Variants in MTAP observed in about 807,000 individuals in gnomAD.
MTAP encodes S-methyl-5'-thioadenosine phosphorylase.
Under a neutral mutation model 33.6 loss-of-function variants are expected in MTAP, and 33 were observed. The ratio of observed to expected loss-of-function variants is 0.98; its 90% CI spans 0.74 to 1.31. The LOEUF (loss-of-function observed/expected upper bound fraction) is 1.31, where lower values mean the gene tolerates loss of function less well. Among genes scored for constraint, MTAP ranks in the 40% most tolerant of loss-of-function variants. The probability of loss-of-function intolerance (pLI) is 0.00; values close to 1 mark genes in which losing one functional copy is unlikely to be tolerated. For missense variants in MTAP, 367 were observed against 360.0 expected, an observed-to-expected ratio of 1.02 and a Z score of -0.16; for synonymous variants, 148 against 125.7, an observed-to-expected ratio of 1.18 and a Z score of -1.19.
At chr9:21,840,290 T>C (rs1825212184) in intron 5 of MTAP, among the ~76,000 whole-genome samples, 1 of 150,994 alleles carries the variant, frequency 6.6e-6, no homozygotes, top group Non-Finnish European at 1.5e-5. Flanking sequence ...CAGAATAGCA[T>C]ATGGAGACAC....
intron 1 of MTAP, among the ~76,000 whole-genome samples, chr9:21,890,064 G>A (rs1056047666): frequency 1.3e-5 from 2 of 152,024 alleles, no homozygotes; most frequent in African/African-American, 2.4e-5. Flanking sequence ...ACCATCAGGT[G>A]GGGGCAGGAT....
chr9:21,823,759 T>C (rs1214332516), intron 4 of MTAP, among the ~76,000 whole-genome samples: 4 of 152,236 alleles, frequency 2.6e-5, no homozygotes, highest in African/African-American at 9.6e-5. Context: ...CAATCAGATG[T>C]AGATTTGGTC....
intron 1 of MTAP, among the ~76,000 whole-genome samples, chr9:21,900,479 C>G (rs1226123019): frequency 6.6e-6 from 1 of 152,112 alleles, no homozygotes; most frequent in South Asian, 2.1e-4. Flanking sequence ...CCATATCACA[C>G]CAGTCAGAAT....
Position 21,862,217 on chromosome 9 carries a change from C to G in MTAP, c.*203C>G. The G allele has an allele frequency of 1.6e-6, 2 of 1,268,024 alleles. No individual in the cohort carries two copies. The highest frequency in any genetic ancestry group is 2.0e-6 in the Non-Finnish European group (2 of 988,902). The allele number at this position is 1,268,024 out of a possible 1,614,324, so 78.5% of individuals were successfully genotyped here. On this transcript the variant is annotated 3_prime_UTR_variant, in exon 8 of 8. Coordinates refer to ENST00000644715, the MANE Select transcript of MTAP (RefSeq NM_002451.4). ...ACAACTTCAAAATACAGAAGAAAAG[C>G]AAATGACTAGTAAACATGTGGGAAA...
chr9:21,857,391 A>T (rs921998969), intron 6 of MTAP, among the ~76,000 whole-genome samples: 3 of 152,196 alleles, frequency 2.0e-5, no homozygotes, highest in African/African-American at 7.2e-5. Context: ...CCCCTCTGCT[A>T]CAGTGTTCAT....
intron 1 of MTAP, among the ~76,000 whole-genome samples, chr9:21,899,534 G>C (rs1205553112): frequency 6.6e-6 from 1 of 152,102 alleles, no homozygotes; most frequent in East Asian, 1.9e-4. Flanking sequence ...AGCATGGCTG[G>C]GGAGGCCTCA....
chr9:21,898,743 G>T (rs1191053761), intron 1 of MTAP, among the ~76,000 whole-genome samples: 1 of 152,178 alleles, frequency 6.6e-6, no homozygotes, highest in Non-Finnish European at 1.5e-5. Context: ...ACAGGTGCTG[G>T]AGAGGATGTG....
chr9:21,825,123 G>A (rs866337589), intron 4 of MTAP, among the ~76,000 whole-genome samples: 5 of 152,204 alleles, frequency 3.3e-5, no homozygotes, highest in East Asian at 1.9e-4. Flanking sequence ...CCCACTGTCC[G>A]ACAAGCCCCA....
intron 1 of MTAP, among the ~76,000 whole-genome samples, chr9:21,925,164 A>C (rs73442448): frequency 0.19 from 28,208 of 152,212 alleles, 8,341 homozygotes; most frequent in African/African-American, 0.63. Flanking sequence ...TGAAAGCTAG[A>C]AGAGCCAAGC....
chr9:21,834,885 G>A (rs764778515), intron 4 of MTAP, among the ~76,000 whole-genome samples: 10 of 152,204 alleles, frequency 6.6e-5, no homozygotes, highest in Admixed American at 2.6e-4. Context: ...TTGCATCGCA[G>A]TCTATTGGGA....
intron 4 of MTAP, among the ~76,000 whole-genome samples, chr9:21,827,394 G>A (rs1824849180): frequency 1.3e-5 from 2 of 152,150 alleles, no homozygotes; most frequent in Admixed American, 1.3e-4. Context: ...CTGCCTTTCA[G>A]GGATTCATTA....
At chr9:21,899,907 T>C (rs371450474) in intron 1 of MTAP, among the ~76,000 whole-genome samples, 77 of 151,954 alleles carry the variant, frequency 5.1e-4, no homozygotes, top group African/African-American at 1.5e-3. Flanking sequence ...TTTGACAAAG[T>C]TGACAAAAAC....
chr9:21,929,896 T>C, intron 1 of MTAP: 1 of 358,052 alleles, frequency 2.8e-6, no homozygotes, highest in Admixed American at 2.9e-5. Context: ...CTTGTAATGT[T>C]ACTCTCTCTG....
At chr9:21,917,041 G>C (rs577841833) in intron 1 of MTAP, among the ~76,000 whole-genome samples, 1 of 152,330 alleles carries the variant, frequency 6.6e-6, no homozygotes, top group Non-Finnish European at 1.5e-5. Flanking sequence ...CCAAAGGATT[G>C]AATGTAGGTT....
intron 1 of MTAP, among the ~76,000 whole-genome samples, chr9:21,882,463 G>T (rs1230794136): frequency 1.3e-5 from 2 of 151,902 alleles, no homozygotes; most frequent in Non-Finnish European, 2.9e-5. Context: ...AGATTGTTAG[G>T]ATGGCAATAT....
intron 6 of MTAP, 92 bp downstream of exon 6, chr9:21,854,962 G>A: frequency 6.7e-7 from 1 of 1,497,602 alleles, no homozygotes; most frequent in Non-Finnish European, 9.0e-7. Context: ...GTTAGTTTCA[G>A]AAAGTGCCTT....
At chr9:21,830,242 G>A (rs1478810466) in intron 4 of MTAP, among the ~76,000 whole-genome samples, 1 of 152,174 alleles carries the variant, frequency 6.6e-6, no homozygotes, top group African/African-American at 2.4e-5. Flanking sequence ...GTTGCACAGG[G>A]ACGAGTTTCC....
At chr9:21,883,449 C>G (rs1818050453) in intron 1 of MTAP, among the ~76,000 whole-genome samples, 1 of 151,950 alleles carries the variant, frequency 6.6e-6, no homozygotes, top group Non-Finnish European at 1.5e-5. Context: ...ATTGATAGAA[C>G]CACATGGAGA....
chr9:21,818,042 A>G lies in MTAP; in HGVS notation c.187A>G (p.Arg63Gly), dbSNP rs886063781. ...VDCVLLARHG[R>G]QHTIMPSKVN... ...TCTTCTCTCCTTCCATAGGCATGGAAGGCAGCACACCATCATGCCTTCAAA... is the reference window on the plus strand; with the variant it reads ...TCTTCTCTCCTTCCATAGGCATGGAGGGCAGCACACCATCATGCCTTCAAA... The change falls in exon 4 of 8, where the codon AGG becomes GGG. Residue 63 changes from arginine (R) to glycine (G), a missense_variant. Coordinates refer to ENST00000644715, the MANE Select transcript of MTAP (RefSeq NM_002451.4). The G allele has an allele frequency of 6.2e-7, 1 of 1,610,834 alleles. No individual in the cohort carries two copies. The highest frequency in any genetic ancestry group is 8.5e-7 in the Non-Finnish European group (1 of 1,178,762).
Sources: allele counts gnomAD v4.1 joint callset (sites outside exome capture counted in the v4.1 genomes callset), GRCh38; gene constraint gnomAD v4.1.1; transcripts MANE v1.5; gene names NCBI Gene and HGNC (gene_info 2026-07-23, HGNC 2026-07-21).